The following PTPRT variants were observed in gnomAD, a reference collection of about 807,000 sequenced individuals.
PTPRT encodes protein tyrosine phosphatase receptor type T, also known as receptor-type tyrosine-protein phosphatase T.
In PTPRT, 56 loss-of-function variants were observed where a neutral mutation model predicts 176.8. The observed-to-expected ratio is 0.32, with a 90% CI of 0.26 to 0.40. PTPRT has a LOEUF of 0.40. Ranked by LOEUF, PTPRT falls within the 10% of genes least tolerant of loss-of-function variation. PTPRT has a pLI of 1.00. For missense variants in PTPRT, 1,540 were observed against 1,908.2 expected, an observed-to-expected ratio of 0.81 and a Z score of 3.60; for synonymous variants, 783 against 739.0, an observed-to-expected ratio of 1.06 and a Z score of -0.96.
chr20:42,129,641 C>T (rs906303271), intron 18 of PTPRT, among the ~76,000 whole-genome samples: 7 of 152,144 alleles, frequency 4.6e-5, no homozygotes, highest in Admixed American at 6.5e-5. Flanking sequence ...TCACTGTGCA[C>T]GTATCATTGT....
rs116228934 is a variant in PTPRT at position 42,455,790 on chromosome 20, G to T, written c.1451-7461C>A. 4.8e-3 allele frequency among the ~76,000 whole-genome samples: 723 copies of T among 152,128 alleles called. 7 individuals are homozygous for T. The highest frequency in any genetic ancestry group is 0.017 in the African/African-American group (696 of 41,520). On this transcript the variant is annotated intron_variant, in intron 8 of 30. Coordinates refer to ENST00000373187, the MANE Select transcript of PTPRT (RefSeq NM_007050.6). The stretch of plus-strand genomic sequence containing the variant: ...TGTTCTATTATATTCAATTGTTTCT[G>T]TTAGACTTTCCCTGTGTCAATACCA...
At chr20:42,705,077 T>C (rs1204835998) in intron 6 of PTPRT, among the ~76,000 whole-genome samples, 1 of 152,006 alleles carries the variant, frequency 6.6e-6, no homozygotes, top group Non-Finnish European at 1.5e-5. Context: ...TGGTGGTGCA[T>C]GCCTGTAATC....
intron 13 of PTPRT, among the ~76,000 whole-genome samples, chr20:42,260,845 C>A (rs1434135564): frequency 1.3e-5 from 2 of 152,178 alleles, no homozygotes; most frequent in South Asian, 4.1e-4. Context: ...AGAGTGGAGA[C>A]CTGTCTGGGC....
intron 21 of PTPRT, among the ~76,000 whole-genome samples, chr20:42,116,563 C>A (rs1987296725): frequency 6.6e-6 from 1 of 152,176 alleles, no homozygotes; most frequent in Admixed American, 6.5e-5. Flanking sequence ...TCTGCGAATA[C>A]TTTACATGTA....
At chr20:42,112,350 G>A (rs997352921) in intron 22 of PTPRT, among the ~76,000 whole-genome samples, 1 of 152,092 alleles carries the variant, frequency 6.6e-6, no homozygotes, top group South Asian at 2.1e-4. Context: ...AGCTGAACAG[G>A]AACCCCCCTC....
intron 6 of PTPRT, among the ~76,000 whole-genome samples, chr20:42,726,708 C>A (rs1025039859): frequency 6.6e-6 from 1 of 152,218 alleles, no homozygotes; most frequent in Non-Finnish European, 1.5e-5. Context: ...GAACTCACCA[C>A]ACAGTAGGGC....
chr20:42,974,647 G>A (rs749564234), intron 1 of PTPRT, among the ~76,000 whole-genome samples: 1 of 152,166 alleles, frequency 6.6e-6, no homozygotes, highest in Non-Finnish European at 1.5e-5. Flanking sequence ...CAAGTGCTGG[G>A]TGAACAACTC....
intron 7 of PTPRT, among the ~76,000 whole-genome samples, chr20:42,586,714 C>T (rs1194941364): frequency 6.6e-6 from 1 of 152,136 alleles, no homozygotes; most frequent in African/African-American, 2.4e-5. Context: ...TGCTATACAT[C>T]CTGTTCCCAC....
chr20:42,790,990 A>G (rs2077366287), intron 3 of PTPRT, among the ~76,000 whole-genome samples: 1 of 152,138 alleles, frequency 6.6e-6, no homozygotes, highest in Non-Finnish European at 1.5e-5. Context: ...TTTTATCTAC[A>G]TATCAGTCTT....
At chr20:42,104,348 A>G (rs1276944521) in intron 25 of PTPRT, among the ~76,000 whole-genome samples, 1 of 152,184 alleles carries the variant, frequency 6.6e-6, no homozygotes, top group African/African-American at 2.4e-5. Context: ...TGCTGCTTCT[A>G]CTTTCCACCA....
chr20:42,913,435 G>GACAGAC (rs1978528335), intron 1 of PTPRT, among the ~76,000 whole-genome samples: 1 of 152,056 alleles, frequency 6.6e-6, no homozygotes, highest in Admixed American at 6.5e-5. Context: ...TCCACACATT[G>GACAGAC]TCTTTTCTGT....
rs184248431 is a variant in PTPRT, at chr20:43,109,856, T to C, written c.88+79790A>G. On this transcript the variant is annotated intron_variant, in intron 1 of 30. Coordinates refer to ENST00000373187, the MANE Select transcript of PTPRT (RefSeq NM_007050.6). ...AAAGGTCCTGGGGCCAAAAAGAAAT[T>C]TGGCATGCTCTAGGAATTTTTAGGG... Among the ~76,000 whole-genome samples the C allele has an allele frequency of 7.3e-4, 111 of 152,012 alleles. 1 individual carries two copies. The highest frequency in any genetic ancestry group is 2.6e-3 in the African/African-American group (106 of 41,450).
At chr20:43,042,326 C>T (rs995325973) in intron 1 of PTPRT, among the ~76,000 whole-genome samples, 2 of 152,124 alleles carry the variant, frequency 1.3e-5, no homozygotes, top group South Asian at 2.1e-4. Context: ...AATGTCTCAT[C>T]GTCCAGTGAT....
intron 9 of PTPRT, among the ~76,000 whole-genome samples, chr20:42,388,855 G>T (rs996001790): frequency 6.6e-6 from 1 of 152,164 alleles, no homozygotes; most frequent in Non-Finnish European, 1.5e-5. Flanking sequence ...ATTCACTATG[G>T]CAAAGACTTG....
intron 7 of PTPRT, among the ~76,000 whole-genome samples, chr20:42,571,529 C>T (rs1463063218): frequency 6.6e-6 from 1 of 152,194 alleles, no homozygotes; most frequent in Non-Finnish European, 1.5e-5. Context: ...CAAACCACTA[C>T]GTTTGTGGTA....
chr20:42,197,206 C>A (rs1242624498), intron 16 of PTPRT, among the ~76,000 whole-genome samples: 1 of 151,494 alleles, frequency 6.6e-6, no homozygotes, highest in African/African-American at 2.4e-5. Flanking sequence ...GGTGAAACCC[C>A]GTCTCGACTA....
At chr20:42,697,393 A>G (rs2075898333) in intron 6 of PTPRT, among the ~76,000 whole-genome samples, 1 of 152,242 alleles carries the variant, frequency 6.6e-6, no homozygotes, top group African/African-American at 2.4e-5. Context: ...AACATGCGCA[A>G]CTTCTGGCCA....
intron 9 of PTPRT, among the ~76,000 whole-genome samples, chr20:42,397,211 T>C (rs1314114722): frequency 6.6e-6 from 1 of 152,246 alleles, no homozygotes; most frequent in Non-Finnish European, 1.5e-5. Flanking sequence ...AAATATTGCG[T>C]TAATTAAAAT....
At chr20:42,421,252 A>ACACG (rs1159590855) in intron 9 of PTPRT, among the ~76,000 whole-genome samples, 1 of 140,520 alleles carries the variant, frequency 7.1e-6, no homozygotes, top group Non-Finnish European at 1.5e-5. Context: ...ACATACACAC[A>ACACG]CACGCACGCA....
Sources: gnomAD v4.1 joint callset for allele counts (sites outside exome capture counted in the v4.1 genomes callset) on GRCh38, gnomAD v4.1.1 for gene constraint, MANE v1.5 for transcripts, NCBI Gene and HGNC (gene_info 2026-07-23, HGNC 2026-07-21) for gene names.